CTNND1: variants seen among roughly 807,000 people sequenced by gnomAD.
CTNND1 encodes the protein catenin delta 1, also known as catenin delta-1.
Under a neutral mutation model 112.1 loss-of-function variants are expected in CTNND1, and 16 were observed. The observed-to-expected ratio is 0.14, with a 90% CI of 0.10 to 0.22. CTNND1 has a LOEUF of 0.22. CTNND1 is among the 10% of genes least tolerant of loss of function. The pLI, the probability that CTNND1 is intolerant of heterozygous loss-of-function variation, is 1.00. For missense variants in CTNND1, 1,008 were observed against 1,257.0 expected, an observed-to-expected ratio of 0.80 and a Z score of 3.00; for synonymous variants, 420 against 446.5, an observed-to-expected ratio of 0.94 and a Z score of 0.75.
chr11:57,807,870 C>T (rs1052271999), intron 12 of CTNND1, among the ~76,000 whole-genome samples: 3 of 151,944 alleles, frequency 2.0e-5, no homozygotes, highest in Non-Finnish European at 2.9e-5. Context: ...AGCCCCTGAG[C>T]GCTCATGGTA....
At chr11:57,793,660 G>T (rs2061014410) in intron 3 of CTNND1, among the ~76,000 whole-genome samples, 1 of 152,160 alleles carries the variant, frequency 6.6e-6, no homozygotes, top group South Asian at 2.1e-4. Context: ...AATTATCTAG[G>T]TCTGTGCTGT....
chr11:57,805,759 A>G, intron 9 of CTNND1, 123 bp from the exon 10 acceptor site: 1 of 1,102,678 alleles, frequency 9.1e-7, no homozygotes, highest in Non-Finnish European at 1.3e-6. Context: ...CATCCTGAGA[A>G]GTTATGGATT....
At chr11:57,810,808 G>T (rs1432012826) in intron 16 of CTNND1, among the ~76,000 whole-genome samples, 1 of 151,708 alleles carries the variant, frequency 6.6e-6, no homozygotes, top group Non-Finnish European at 1.5e-5. Context: ...AAAAATAAAA[G>T]TAGCCAGGCG....
intron 3 of CTNND1, 41 bp from the exon 4 acceptor site, chr11:57,793,969 A>G (rs1166261448): frequency 6.2e-7 from 1 of 1,602,556 alleles, no homozygotes; most frequent in Non-Finnish European, 8.6e-7. Flanking sequence ...GAGCAAAAGA[A>G]GGCCACAAAA....
At chr11:57,789,629 G>A (rs1030390746) in intron 2 of CTNND1, among the ~76,000 whole-genome samples, 3 of 152,096 alleles carry the variant, frequency 2.0e-5, no homozygotes, top group Non-Finnish European at 4.4e-5. Flanking sequence ...ATTGTGTTGG[G>A]CCATACATAA....
intron 1 of CTNND1, among the ~76,000 whole-genome samples, chr11:57,777,160 G>A (rs1954492249): frequency 6.6e-6 from 1 of 152,136 alleles, no homozygotes; most frequent in African/African-American, 2.4e-5. Context: ...AGTTTGCAAT[G>A]GCTGGGCTCT....
chr11:57,805,288 C>G (rs920486634), intron 9 of CTNND1, among the ~76,000 whole-genome samples: 4 of 152,088 alleles, frequency 2.6e-5, no homozygotes, highest in African/African-American at 9.7e-5. Context: ...GGCTCTGTCC[C>G]AGGCTGGAGT....
chr11:57,764,373 A>G (rs1213028260), intron 1 of CTNND1, among the ~76,000 whole-genome samples: 1 of 152,194 alleles, frequency 6.6e-6, no homozygotes, highest in Non-Finnish European at 1.5e-5. Context: ...TAACAAAAAG[A>G]AAAGCACTAA....
At chr11:57,806,241 G>A (rs1241386312) in intron 10 of CTNND1, among the ~76,000 whole-genome samples, 2 of 151,966 alleles carry the variant, frequency 1.3e-5, no homozygotes, top group African/African-American at 4.8e-5. Context: ...TGGTGGTGGT[G>A]GTGGTGGTGG....
chr11:57,766,115 T>TAATA (rs1437805732), intron 1 of CTNND1, among the ~76,000 whole-genome samples: 1 of 151,932 alleles, frequency 6.6e-6, no homozygotes, highest in Admixed American at 6.6e-5. Context: ...AAAATAATAA[T>TAATA]AATAAATAAA....
rs1002823840 is a variant in CTNND1, at chr11:57,796,743, G to T, written c.707G>T (p.Arg236Leu). ...TATGGCAGTCTGTCCCGGGTGACCC[G>T]CATTGAGGAGCGGTATAGGCCCAGC... ...DNYGSLSRVT[R>L]IEERYRPSME... Residue 236 changes from arginine to leucine, a missense_variant, in exon 6 of 21, where the codon CGC becomes CTC. This residue lies in a region of CTNND1 where 404 missense variants were observed against 457.9 expected (regional missense o/e 0.88). Transcript: ENST00000399050. The T allele has an allele frequency of 1.4e-5, 22 of 1,613,500 alleles. No individual in the cohort carries two copies. In the Admixed American group the frequency reaches 3.2e-4, roughly 23 times the overall value.
chr11:57,762,009 T>C lies in CTNND1; in HGVS notation c.-324T>C. 1.0e-6 allele frequency: 1 copy of C among 985,414 alleles called. No individual in the cohort carries two copies. Among genetic ancestry groups the C allele is most frequent in the South Asian group, 4.7e-5 (1 of 21,288 alleles). The allele number at this position is 985,414 out of a possible 1,614,324, so 61.0% of individuals were successfully genotyped here. ...GCACCTTGGCGAAGCCTTGGGTTTC[T>C]TTCTTAAAGGACTGATTTTTAGAAC... is the stretch of plus-strand genomic sequence containing the variant. On this transcript the variant is annotated 5_prime_UTR_variant, in exon 1 of 21. Transcript: ENST00000399050.
chr11:57,816,274 C>T (rs1440598071), intron 20 of CTNND1, 23 bp from the exon 21 acceptor site: 1 of 1,613,262 alleles, frequency 6.2e-7, no homozygotes. Context: ...TTAACATTCT[C>T]TCTTTCTCTT....
chr11:57,767,809 G>A (rs566581651), intron 1 of CTNND1, among the ~76,000 whole-genome samples: 4 of 150,554 alleles, frequency 2.7e-5, no homozygotes, highest in South Asian at 2.1e-4. Context: ...CTCAAATTTC[G>A]TTTGTTGAAC....
In CTNND1 at chr11:57,808,529, A is replaced by C; in HGVS notation, c.2231A>C (p.Lys744Thr). 3 of 1,601,382 alleles carry C rather than the reference A, an allele frequency of 1.9e-6. No individual in the cohort carries two copies. The highest frequency in any genetic ancestry group is 2.6e-6 in the Non-Finnish European group (3 of 1,175,386). Residue 744 changes from lysine to threonine, a missense_variant, in exon 14 of 21, where the codon AAA becomes ACA. Lys to Thr is a moderately conservative substitution (Grantham distance 78). This residue lies in a region of CTNND1 where 254 missense variants were observed against 279.5 expected (regional missense o/e 0.91). Coordinates refer to ENST00000399050, the MANE Select transcript of CTNND1 (RefSeq NM_001085458.2). ...AACCTGGCTGTGGATGCTCGCAACA[A>C]AGAATTAATTGGTGAGGAGTTGAAT... ...LRNLAVDARN[K>T]ELIGKHAIPN...
intron 1 of CTNND1, among the ~76,000 whole-genome samples, chr11:57,765,643 A>G (rs1950868391): frequency 2.0e-5 from 3 of 151,098 alleles, no homozygotes; most frequent in Non-Finnish European, 3.0e-5. Context: ...ATTTTTGTGT[A>G]TTTTTGTGGA....
At chr11:57,809,034 A>G (rs911299047) in intron 14 of CTNND1, among the ~76,000 whole-genome samples, 4 of 152,236 alleles carry the variant, frequency 2.6e-5, no homozygotes, top group Non-Finnish European at 4.4e-5. Flanking sequence ...CTTATTTAAT[A>G]TACAGTATTT....
chr11:57,800,919 CT>C (rs1360952198), intron 6 of CTNND1, among the ~76,000 whole-genome samples: 2 of 152,162 alleles, frequency 1.3e-5, no homozygotes, highest in Non-Finnish European at 2.9e-5. Context: ...TTTGATTTTT[CT>C]TACTTTCAAT....
chr11:57,793,302 GA>G (rs1013588767), intron 3 of CTNND1: 5 of 87,116 alleles, frequency 5.7e-5, no homozygotes, highest in African/African-American at 1.5e-4. Flanking sequence ...GCTTAAGACA[GA>G]GCAACTTCTG....
Sources: allele counts gnomAD v4.1 joint callset (sites outside exome capture counted in the v4.1 genomes callset), GRCh38; gene constraint gnomAD v4.1.1; regional missense constraint gnomAD v4.1.1; transcripts MANE v1.5; gene names NCBI Gene and HGNC (gene_info 2026-07-23, HGNC 2026-07-21).